The following ASTN1 variants were observed in gnomAD, a reference collection of about 807,000 sequenced individuals.
ASTN1 encodes the protein astrotactin-1.
ASTN1 carries 41 observed loss-of-function variants against 140.7 expected under a neutral mutation model. The ratio of observed to expected loss-of-function variants is 0.29; its 90% CI spans 0.23 to 0.38. ASTN1 has a LOEUF of 0.38. Among genes scored for constraint, ASTN1 ranks in the 10% least tolerant of loss-of-function variants. The pLI is 1.00. For missense variants in ASTN1, 1,479 were observed against 1,678.8 expected (o/e 0.88, Z 2.08); for synonymous variants, 640 against 652.2 (o/e 0.98, Z 0.29).
chr1:176,907,870 C>T (rs1318820905), intron 16 of ASTN1, among the ~76,000 whole-genome samples: 1 of 152,212 alleles, frequency 6.6e-6, no homozygotes, highest in Non-Finnish European at 1.5e-5. Context: ...AAAACTTTAT[C>T]ATTATGTCCA....
chr1:177,014,899 G>T, intron 7 of ASTN1, 24 bp from the exon 8 acceptor site: 1 of 1,583,296 alleles, frequency 6.3e-7, no homozygotes. Flanking sequence ...TAAGGAGGAA[G>T]AAAGAGAAAC....
intron 8 of ASTN1, among the ~76,000 whole-genome samples, chr1:177,010,738 C>T (rs1571645132): frequency 6.6e-6 from 1 of 152,192 alleles, no homozygotes; most frequent in African/African-American, 2.4e-5. Context: ...GCAACCTCCT[C>T]GATTCACATG....
chr1:177,099,785 A>G (rs1011931313), intron 1 of ASTN1, among the ~76,000 whole-genome samples: 1 of 152,202 alleles, frequency 6.6e-6, no homozygotes, highest in Non-Finnish European at 1.5e-5. Flanking sequence ...CATCTTGTTT[A>G]TCTAAGAAGG....
chr1:176,978,635 G>A (rs1211523470), intron 8 of ASTN1, among the ~76,000 whole-genome samples: 1 of 152,178 alleles, frequency 6.6e-6, no homozygotes, highest in Admixed American at 6.5e-5. Flanking sequence ...GTGGGGGTAA[G>A]GGGAGGGTCT....
rs148676915 is a variant in ASTN1 at position 177,008,895 on chromosome 1, A to T, written c.1523+5896T>A. Among the ~76,000 whole-genome samples, 71 of 152,266 alleles carry T rather than the reference A, an allele frequency of 4.7e-4. No homozygotes were observed. In the East Asian group the frequency reaches 0.013, roughly 28 times the overall value. On this transcript the variant is annotated intron_variant, in intron 8 of 22. Coordinates refer to ENST00000361833, the MANE Select transcript of ASTN1 (RefSeq NM_004319.3). Reference sequence around the variant, plus strand: ...GAAACAGCCATAGTCTGGCCAGCAAATCTTGTTTGAGAGGTCGGATGAAGG... The same window carrying T: ...GAAACAGCCATAGTCTGGCCAGCAATTCTTGTTTGAGAGGTCGGATGAAGG...
chr1:176,941,844 G>C (rs1190185818), intron 14 of ASTN1, among the ~76,000 whole-genome samples: 1 of 152,122 alleles, frequency 6.6e-6, no homozygotes, highest in East Asian at 1.9e-4. Context: ...ACGTCTTCAA[G>C]GCATTTTACA....
chr1:177,126,040 T>C (rs996943712), intron 1 of ASTN1, among the ~76,000 whole-genome samples: 20 of 152,208 alleles, frequency 1.3e-4, no homozygotes, highest in African/African-American at 4.8e-4. Context: ...CTATCTAAAC[T>C]GAAGAGTGTT....
At chr1:177,115,223 G>T (rs115356432) in intron 1 of ASTN1, among the ~76,000 whole-genome samples, 162 of 152,226 alleles carry the variant, frequency 1.1e-3, no homozygotes, top group African/African-American at 3.7e-3. Context: ...TCAATACTGA[G>T]GTGTGGTTGT....
At chr1:176,899,746 G>A (rs558630916) in intron 16 of ASTN1, among the ~76,000 whole-genome samples, 3 of 152,106 alleles carry the variant, frequency 2.0e-5, no homozygotes, top group Non-Finnish European at 4.4e-5. Flanking sequence ...TCACACAGAA[G>A]TCTATCCACC....
At chr1:177,111,438 C>G (rs1680819413) in intron 1 of ASTN1, among the ~76,000 whole-genome samples, 1 of 119,234 alleles carries the variant, frequency 8.4e-6, no homozygotes, top group African/African-American at 3.9e-5. Flanking sequence ...TGGGGTGGAC[C>G]CTTAGATTCT....
downstream of ASTN1, chr1:176,857,786 T>G (rs2103002089): frequency 7.4e-6 from 3 of 404,020 alleles, no homozygotes; most frequent in South Asian, 3.6e-4. Context: ...GTATGTGCTT[T>G]ACTGTTATTT....
At chr1:177,012,484 A>T (rs1364522533) in intron 8 of ASTN1, among the ~76,000 whole-genome samples, 1 of 152,204 alleles carries the variant, frequency 6.6e-6, no homozygotes, top group East Asian at 1.9e-4. Flanking sequence ...GACCTCATAG[A>T]CAGTGATGAT....
intron 2 of ASTN1, among the ~76,000 whole-genome samples, chr1:177,053,644 T>A (rs1677650039): frequency 1.3e-5 from 2 of 152,258 alleles, no homozygotes; most frequent in Non-Finnish European, 2.9e-5. Flanking sequence ...AAAATCAATA[T>A]GTCAATAATG....
chr1:177,140,243 T>C (rs566965913), intron 1 of ASTN1, among the ~76,000 whole-genome samples: 1 of 152,196 alleles, frequency 6.6e-6, no homozygotes, highest in African/African-American at 2.4e-5. Context: ...GAAGCCACCA[T>C]GGTTGAAAAG....
intron 7 of ASTN1, among the ~76,000 whole-genome samples, chr1:177,020,395 C>T (rs1014944615): frequency 1.1e-4 from 16 of 152,168 alleles, no homozygotes; most frequent in Admixed American, 5.2e-4. Context: ...TTGCCTTTTC[C>T]AGCTTCTAGA....
At chr1:176,879,020 G>A (rs541417700) in intron 20 of ASTN1, among the ~76,000 whole-genome samples, 1 of 152,260 alleles carries the variant, frequency 6.6e-6, no homozygotes, top group African/African-American at 2.4e-5. Context: ...TGTGCCCTAA[G>A]CCCAGTTCTG....
intron 14 of ASTN1, among the ~76,000 whole-genome samples, chr1:176,942,193 C>T (rs1557977340): frequency 6.6e-6 from 1 of 152,044 alleles, no homozygotes; most frequent in Non-Finnish European, 1.5e-5. Context: ...AGGAACTGTT[C>T]TAAAAACTTT....
At chr1:176,919,854 C>T (rs1670657496) in intron 16 of ASTN1, among the ~76,000 whole-genome samples, 1 of 152,162 alleles carries the variant, frequency 6.6e-6, no homozygotes, top group Admixed American at 6.5e-5. Context: ...GAAGAAAAAC[C>T]CCAAGGACAG....
intron 5 of ASTN1, among the ~76,000 whole-genome samples, chr1:177,028,158 G>A (rs1283291152): frequency 1.3e-5 from 2 of 152,140 alleles, no homozygotes; most frequent in South Asian, 2.1e-4. Flanking sequence ...TATTTAAAAG[G>A]AACAGTTTCA....
Sources: gnomAD v4.1 joint callset for allele counts (sites outside exome capture counted in the v4.1 genomes callset) on GRCh38, gnomAD v4.1.1 for gene constraint, MANE v1.5 for transcripts, NCBI Gene and HGNC (gene_info 2026-07-23, HGNC 2026-07-21) for gene names.